The following XPR1 variants were observed in gnomAD, a reference collection of about 807,000 sequenced individuals.
The protein encoded by XPR1 is xenotropic and polytropic retrovirus receptor 1.
XPR1 carries 28 observed loss-of-function variants against 87.5 expected under a neutral mutation model. The ratio of observed to expected loss-of-function variants is 0.32; its 90% confidence interval spans 0.24 to 0.44. XPR1 has a LOEUF of 0.44. Among genes scored for constraint, XPR1 ranks in the 20% least tolerant of loss-of-function variants. The pLI is 1.00. For synonymous variants in XPR1, 300 were observed against 306.1 expected, an observed-to-expected ratio of 0.98 and a Z score of 0.21; for missense variants, 559 against 862.3, an observed-to-expected ratio of 0.65 and a Z score of 4.41.
chr1:180,882,557 T>C (rs1652878433), intron 14 of XPR1, among the ~76,000 whole-genome samples: 1 of 152,158 alleles, frequency 6.6e-6, no homozygotes, highest in African/African-American at 2.4e-5. Context: ...GGTCTTACTA[T>C]GTTGCCCAGG....
intron 1 of XPR1, among the ~76,000 whole-genome samples, chr1:180,639,688 C>G (rs183781641): frequency 6.6e-6 from 1 of 151,854 alleles, no homozygotes. Context: ...TTTTTTTATA[C>G]CTTAGAGTAG....
intron 2 of XPR1, among the ~76,000 whole-genome samples, chr1:180,747,015 A>G (rs971339458): frequency 6.6e-6 from 1 of 152,152 alleles, no homozygotes; most frequent in African/African-American, 2.4e-5. Flanking sequence ...AAATTTAATA[A>G]TCATTTTTTA....
At chr1:180,761,545 G>T (rs960665945) in intron 2 of XPR1, among the ~76,000 whole-genome samples, 5 of 152,186 alleles carry the variant, frequency 3.3e-5, no homozygotes, top group African/African-American at 9.7e-5. Context: ...GGCCATCAGA[G>T]AAATGCAAAT....
chr1:180,667,193 A>T (rs934443252), intron 1 of XPR1, among the ~76,000 whole-genome samples: 5 of 152,228 alleles, frequency 3.3e-5, no homozygotes, highest in Non-Finnish European at 5.9e-5. Context: ...GATTACAGGC[A>T]TGAGCCACTG....
chr1:180,735,783 C>T (rs1658709076), intron 2 of XPR1, among the ~76,000 whole-genome samples: 1 of 152,120 alleles, frequency 6.6e-6, no homozygotes, highest in African/African-American at 2.4e-5. Context: ...TTGTAATCCA[C>T]GTTATAGTAA....
chr1:180,822,177 T>C (rs1302443230), intron 7 of XPR1, among the ~76,000 whole-genome samples: 1 of 152,182 alleles, frequency 6.6e-6, no homozygotes, highest in African/African-American at 2.4e-5. Flanking sequence ...AGTAAAAGCT[T>C]AAGTCTTGAC....
At chr1:180,661,523 T>C (rs111672960) in intron 1 of XPR1, among the ~76,000 whole-genome samples, 2,303 of 147,874 alleles carry the variant, frequency 0.016, 28 homozygotes, top group Middle Eastern at 0.031. Context: ...GTGTGTGGTA[T>C]GTTTTTTGAT....
intron 1 of XPR1, among the ~76,000 whole-genome samples, chr1:180,652,860 C>T (rs907662688): frequency 1.3e-5 from 2 of 152,122 alleles, no homozygotes; most frequent in South Asian, 2.1e-4. Context: ...GTGTAGCATG[C>T]GTTTCGGAGC....
At chr1:180,647,431 T>C (rs889063989) in intron 1 of XPR1, among the ~76,000 whole-genome samples, 9 of 152,260 alleles carry the variant, frequency 5.9e-5, no homozygotes, top group African/African-American at 2.2e-4. Context: ...ATGAGACCAC[T>C]GTTGTATATG....
chr1:180,780,013 T>A (rs1013328729), intron 2 of XPR1, among the ~76,000 whole-genome samples: 1 of 152,240 alleles, frequency 6.6e-6, no homozygotes, highest in Non-Finnish European at 1.5e-5. Context: ...ATTATTCTTT[T>A]CTGTGGCTGA....
chr1:180,820,845 C>T (rs1333946840), intron 7 of XPR1, among the ~76,000 whole-genome samples: 1 of 152,084 alleles, frequency 6.6e-6, no homozygotes, highest in Non-Finnish European at 1.5e-5. Flanking sequence ...TTCATGTGCT[C>T]ATTGGCCATT....
chr1:180,681,258 T>A (rs1656569686), intron 1 of XPR1, among the ~76,000 whole-genome samples: 1 of 152,204 alleles, frequency 6.6e-6, no homozygotes, highest in African/African-American at 2.4e-5. Context: ...ATGATGGATA[T>A]CCTAATTACC....
chr1:180,744,654 C>CTTTTTTTTTTTTTTTTTTT (rs71121048), intron 2 of XPR1, among the ~76,000 whole-genome samples: 7 of 102,396 alleles, frequency 6.8e-5, no homozygotes, highest in Non-Finnish European at 1.3e-4. Flanking sequence ...CAATTTCTTT[C>CTTTTTTTTTTTTTTTTTTT]TTTTTTTTTT....
At chr1:180,819,807 C>T (rs1650549044) in intron 7 of XPR1, among the ~76,000 whole-genome samples, 1 of 152,072 alleles carries the variant, frequency 6.6e-6, no homozygotes, top group Non-Finnish European at 1.5e-5. Flanking sequence ...TGCCTGAGCT[C>T]AGGAGTTCGA....
At chr1:180,834,411 A>C (rs1401761586) in intron 9 of XPR1, among the ~76,000 whole-genome samples, 1 of 152,232 alleles carries the variant, frequency 6.6e-6, no homozygotes, top group African/African-American at 2.4e-5. Context: ...ACTTTAGTTA[A>C]TGGCTGACAT....
At chr1:180,873,595 T>G (rs1208403044) in intron 12 of XPR1, among the ~76,000 whole-genome samples, 3 of 152,204 alleles carry the variant, frequency 2.0e-5, no homozygotes, top group Non-Finnish European at 4.4e-5. Context: ...TACTGGATAT[T>G]ATACCATTTA....
intron 2 of XPR1, among the ~76,000 whole-genome samples, chr1:180,735,365 T>C (rs1658695365): frequency 6.6e-6 from 1 of 152,238 alleles, no homozygotes; most frequent in South Asian, 2.1e-4. Context: ...AAATGACATG[T>C]ATTCCAAACA....
intron 12 of XPR1, 28 bp from the exon 13 acceptor site, chr1:180,873,775 C>A (rs1652577284): frequency 1.2e-6 from 2 of 1,607,744 alleles, no homozygotes. Flanking sequence ...TGATAGAAAA[C>A]ATACTCAATT....
intron 11 of XPR1, among the ~76,000 whole-genome samples, chr1:180,853,779 T>C (rs1571896396): frequency 6.8e-6 from 1 of 147,146 alleles, no homozygotes; most frequent in African/African-American, 2.5e-5. Context: ...CAAATAATAG[T>C]GCATTCATGT....
Sources: allele counts gnomAD v4.1 joint callset (sites outside exome capture counted in the v4.1 genomes callset), GRCh38; gene constraint gnomAD v4.1.1; transcripts MANE v1.5; gene names NCBI Gene and HGNC (gene_info 2026-07-23, HGNC 2026-07-21).